CLBA1: variants seen among roughly 807,000 people sequenced by gnomAD.
CLBA1 encodes clathrin binding box of aftiphilin containing 1, also known as uncharacterized protein CLBA1.
A neutral mutation model predicts 28.8 loss-of-function variants in CLBA1; 30 were observed. The observed-to-expected ratio is 1.04, with a 90% CI of 0.78 to 1.41. The LOEUF is 1.41. CLBA1 is among the 40% of genes most tolerant of loss of function. CLBA1 has a pLI of 0.00. For missense variants in CLBA1, 451 were observed against 412.3 expected, an observed-to-expected ratio of 1.09 and a Z score of -0.81; for synonymous variants, 160 against 152.8, an observed-to-expected ratio of 1.05 and a Z score of -0.35.
At chr14:104,997,523 A>T (rs922578963), downstream of CLBA1, among the ~76,000 whole-genome samples, 1 of 152,244 alleles carries the variant, frequency 6.6e-6, no homozygotes, top group Non-Finnish European at 1.5e-5. Flanking sequence ...AACTGCAAGG[A>T]GGTGACGTGG....
chr14:104,994,962 G>A lies in CLBA1; in HGVS notation c.*203G>A, dbSNP rs1049096701. On this transcript the variant is annotated 3_prime_UTR_variant, in exon 5 of 5. Transcript: ENST00000547315. ...GGATGTGTCCTTGGCAGAGCCAAGG[G>A]GAGACAGAGGTTTCTGGATGCCATG... 8.0e-6 allele frequency: 10 copies of A among 1,249,868 alleles called. No homozygotes were observed. The highest frequency in any genetic ancestry group is 5.2e-5 in the South Asian group (2 of 38,096). 77.4% of individuals were successfully genotyped at this position (1,249,868 alleles called of 1,614,324 possible). A position where few individuals can be genotyped will look rare whatever the true frequency, so the allele number is the denominator to read the frequency against.
chr14:104,989,518 G>T, intron 2 of CLBA1: 1 of 451,910 alleles, frequency 2.2e-6, no homozygotes, highest in East Asian at 7.0e-5. Flanking sequence ...ACACTCTGGA[G>T]CCCCATTGTC....
intron 3 of CLBA1, among the ~76,000 whole-genome samples, chr14:104,992,073 CCCCGCCACGCACAT>C (rs1900045026): frequency 6.7e-6 from 1 of 149,470 alleles, no homozygotes; most frequent in South Asian, 2.1e-4. Flanking sequence ...GCCACGCACA[CCCCGCCACGCACAT>C]GCCTCACACA....
intron 3 of CLBA1, among the ~76,000 whole-genome samples, chr14:104,992,007 C>T (rs907912427): frequency 3.5e-5 from 5 of 144,236 alleles, no homozygotes; most frequent in African/African-American, 7.8e-5. Flanking sequence ...ACACACCTCA[C>T]GCCACCACAT....
intron 1 of CLBA1, among the ~76,000 whole-genome samples, chr14:104,988,635 G>A (rs949294000): frequency 1.4e-4 from 21 of 152,170 alleles, no homozygotes; most frequent in Non-Finnish European, 1.8e-4. Flanking sequence ...CACCGCGCCC[G>A]GCCGCATGTA....
Position 104,986,474 on chromosome 14 carries a change from C to T in CLBA1, c.43C>T (p.Leu15Phe), listed in dbSNP as rs1224510716. The T allele has an allele frequency of 3.1e-6, 5 of 1,613,206 alleles. No individual in the cohort carries two copies. The highest frequency in any genetic ancestry group is 4.2e-6 in the Non-Finnish European group (5 of 1,180,024). Residue 15 changes from leucine to phenylalanine, a missense_variant, in exon 1 of 5, where the codon CTC becomes TTC. Coordinates refer to ENST00000547315, the MANE Select transcript of CLBA1 (RefSeq NM_174891.4). ...RELGGEPLSD[L>F]QEEAASASLR... ...GCTGGGGGGAGAGCCTTTGAGTGAC[C>T]TCCAGGAGGAAGCAGCCAGCGCTTC...
At chr14:104,989,689 A>C (rs1899965213) in intron 2 of CLBA1, 1 of 455,992 alleles carries the variant, frequency 2.2e-6, no homozygotes, top group African/African-American at 2.0e-5. Context: ...ATTAGGCCGC[A>C]GTGGTTGAGA....
At position 104,985,850 on chromosome 14, in the gene CLBA1, C is replaced by G. The variant is rs928416917; in HGVS notation, c.-582C>G. On this transcript the variant is annotated 5_prime_UTR_variant, in exon 1 of 5. Coordinates refer to ENST00000547315, the MANE Select transcript of CLBA1 (RefSeq NM_174891.4). ...TTGCAGGTTTCTCTCGCCCTGGTCCCGCGCGGCCCCGCCGAGGCGGCGACC... is the reference window on the plus strand; with the variant it reads ...TTGCAGGTTTCTCTCGCCCTGGTCCGGCGCGGCCCCGCCGAGGCGGCGACC... The G allele has an allele frequency of 4.6e-6, 1 of 219,476 alleles. No homozygotes were observed. The highest frequency in any genetic ancestry group is 2.4e-4 in the East Asian group (1 of 4,094). 13.6% of individuals were successfully genotyped at this position (219,476 alleles called of 1,614,324 possible).
chr14:104,999,789 G>A (rs1595447684), downstream of CLBA1, among the ~76,000 whole-genome samples: 1 of 152,256 alleles, frequency 6.6e-6, no homozygotes, highest in East Asian at 1.9e-4. Context: ...AAATCTGAGT[G>A]AATGCAGTGC....
chr14:104,991,845 G>A (rs1449078463), intron 3 of CLBA1, among the ~76,000 whole-genome samples: 1 of 152,192 alleles, frequency 6.6e-6, no homozygotes, highest in Non-Finnish European at 1.5e-5. Flanking sequence ...AAAGGCTCTG[G>A]AAGGAACGGG....
chr14:104,990,254 T>C (rs1595443103), intron 2 of CLBA1: 1 of 158,802 alleles, frequency 6.3e-6, no homozygotes, highest in African/African-American at 2.4e-5. Flanking sequence ...ACTTTGGGGG[T>C]GGAGTAGAGC....
intron 4 of CLBA1, chr14:104,994,050 CGACAGGT>C: frequency 4.1e-6 from 4 of 984,934 alleles, no homozygotes; most frequent in Non-Finnish European, 4.8e-6. Context: ...AGGTGACAGG[CGACAGGT>C]GCCATGGGGC....
intron 2 of CLBA1, chr14:104,990,439 C>T (rs1228615604): frequency 1.3e-5 from 2 of 151,750 alleles, no homozygotes; most frequent in African/African-American, 2.4e-5. Flanking sequence ...ACTGGGACTA[C>T]AGGCACCCGC....
At chr14:105,000,299 T>C (rs1317090173), downstream of CLBA1, among the ~76,000 whole-genome samples, 7 of 151,916 alleles carry the variant, frequency 4.6e-5, no homozygotes, top group Non-Finnish European at 8.8e-5. Flanking sequence ...TCTTTTTTTT[T>C]TTTGCTGTGT....
chr14:104,994,418 C>T, intron 4 of CLBA1, 180 bp from the exon 5 acceptor site: 7 of 985,486 alleles, frequency 7.1e-6, no homozygotes, highest in Non-Finnish European at 8.4e-6. Context: ...GAGGAAGCCC[C>T]AGCATGTTTT....
In CLBA1 at chr14:104,986,456, G is replaced by A; in HGVS notation, c.25G>A (p.Gly9Arg). The change falls in exon 1 of 5, where the codon GGA becomes AGA. Residue 9 changes from glycine (G) to arginine (R), a missense_variant. Transcript: ENST00000547315. MQGRRELG[G>R]EPLSDLQEEA... ...GATGCAAGGCCGGCGGGAGCTGGGG[G>A]GAGAGCCTTTGAGTGACCTCCAGGA... 1.2e-6 allele frequency: 2 copies of A among 1,612,974 alleles called. No homozygotes were observed. The highest frequency in any genetic ancestry group is 4.5e-5 in the East Asian group (2 of 44,854).
intron 1 of CLBA1, 71 bp downstream of exon 1, chr14:104,986,925 A>G: frequency 6.5e-7 from 1 of 1,528,806 alleles, no homozygotes; most frequent in South Asian, 1.2e-5. Flanking sequence ...CAGCCCTCGA[A>G]TGCTGTGGCG....
intron 2 of CLBA1, chr14:104,990,860 C>T (rs376094568): frequency 3.3e-5 from 5 of 153,710 alleles, no homozygotes; most frequent in African/African-American, 7.2e-5. Context: ...GAGACAGTAA[C>T]GGCAGTAAGT....
In CLBA1 at chr14:104,986,402, T is replaced by G. The variant is rs1378782930; in HGVS notation, c.-30T>G. ...TGCATGTCTCCTGAGCAGCTGCCCA[T>G]CGGGCCTCTGCTGGCCTGGGGGCTC... On this transcript the variant is annotated 5_prime_UTR_variant, in exon 1 of 5. Transcript: ENST00000547315. 1 of 1,603,606 alleles carries G rather than the reference T, an allele frequency of 6.2e-7. No homozygotes were observed. Among genetic ancestry groups the G allele is most frequent in the South Asian group, 1.1e-5 (1 of 90,506 alleles).
Sources: allele counts gnomAD v4.1 joint callset (sites outside exome capture counted in the v4.1 genomes callset), GRCh38; gene constraint gnomAD v4.1.1; transcripts MANE v1.5; gene names NCBI Gene and HGNC (gene_info 2026-07-23, HGNC 2026-07-21).